Variants in SLIT3 observed in about 807,000 individuals in gnomAD.
SLIT3 encodes slit guidance ligand 3.
Under a neutral mutation model 184.0 loss-of-function variants are expected in SLIT3, and 68 were observed. The ratio of observed to expected loss-of-function variants is 0.37; its 90% CI spans 0.30 to 0.45. SLIT3 has a LOEUF of 0.45. Ranked by LOEUF, SLIT3 falls within the 20% of genes least tolerant of loss-of-function variation. The pLI is 1.00. For synonymous variants in SLIT3, 831 were observed against 828.6 expected, an observed-to-expected ratio of 1.00 and a Z score of -0.05; for missense variants, 1,707 against 2,026.0, an observed-to-expected ratio of 0.84 and a Z score of 3.02.
rs1296245987 is a variant in SLIT3 at position 168,666,373 on chromosome 5, T to TGA, written c.*79_*80dup. On this transcript the variant is annotated 3_prime_UTR_variant, in exon 36 of 36. Coordinates refer to ENST00000519560, the MANE Select transcript of SLIT3 (RefSeq NM_003062.4). ...CTCTCCAGCTTCATTTCCTTCATGC[T>TGA]GAATCACCAGGGGGTCCCACATGGC... The TGA allele has an allele frequency of 1.5e-6, 2 of 1,336,330 alleles. No homozygotes were observed. The highest frequency in any genetic ancestry group is 2.0e-6 in the Non-Finnish European group (2 of 1,011,546). The allele number at this position is 1,336,330 out of a possible 1,614,324, so 82.8% of individuals were successfully genotyped here.
chr5:168,915,402 C>T (rs904922544), intron 4 of SLIT3, among the ~76,000 whole-genome samples: 11 of 152,200 alleles, frequency 7.2e-5, no homozygotes, highest in African/African-American at 2.6e-4. Flanking sequence ...TGATCAATCT[C>T]GGCATGACAA....
rs567509831 is a variant in SLIT3, at chr5:169,277,144, G to A, written c.197+23369C>T. ...AATTTGCCTATTCTGGAAATATGCT[G>A]GACACTTCATGTAAGTGGAATCTGT... On this transcript the variant is annotated intron_variant, in intron 1 of 35. Transcript: ENST00000519560. Among the ~76,000 whole-genome samples the A allele has an allele frequency of 3.3e-5, 5 of 151,324 alleles. No individual in the cohort carries two copies. The East Asian group carries it at 5.8e-4, about 18-fold the overall frequency.
intron 4 of SLIT3, among the ~76,000 whole-genome samples, chr5:169,105,217 T>C (rs925028057): frequency 3.3e-5 from 5 of 152,188 alleles, no homozygotes; most frequent in Admixed American, 2.0e-4. Flanking sequence ...CTGTTTAATG[T>C]GGGTGGGGGA....
intron 4 of SLIT3, among the ~76,000 whole-genome samples, chr5:169,000,092 A>G (rs553674237): frequency 3.9e-5 from 6 of 152,138 alleles, no homozygotes; most frequent in Non-Finnish European, 8.8e-5. Flanking sequence ...TGCTCAACAA[A>G]TGCTGCGATC....
intron 5 of SLIT3, among the ~76,000 whole-genome samples, chr5:168,865,400 C>CA: frequency 6.6e-6 from 1 of 152,140 alleles, no homozygotes; most frequent in East Asian, 1.9e-4. Context: ...GAATACTACT[C>CA]AGTAGTAACA....
chr5:169,034,886 G>A (rs1757171252), intron 4 of SLIT3, among the ~76,000 whole-genome samples: 1 of 151,112 alleles, frequency 6.6e-6, no homozygotes, highest in South Asian at 2.1e-4. Context: ...AGCTGGGACT[G>A]CAGGTACAAG....
intron 17 of SLIT3, 32 bp from the exon 18 acceptor site, chr5:168,753,130 C>T (rs1754774445): frequency 1.2e-6 from 2 of 1,610,912 alleles, no homozygotes; most frequent in Non-Finnish European, 1.7e-6. Flanking sequence ...TGAGAGAGCA[C>T]AGGCATGATC....
intron 32 of SLIT3, among the ~76,000 whole-genome samples, chr5:168,675,719 C>G (rs1052096893): frequency 2.0e-5 from 3 of 152,110 alleles, no homozygotes; most frequent in African/African-American, 7.2e-5. Flanking sequence ...ACAACAACAA[C>G]AAAAGAGCGC....
intron 4 of SLIT3, among the ~76,000 whole-genome samples, chr5:168,983,101 T>C (rs746505575): frequency 2.2e-4 from 34 of 152,218 alleles, no homozygotes; most frequent in Non-Finnish European, 3.8e-4. Context: ...CCTGAAGACC[T>C]GGATGAATTG....
intron 8 of SLIT3, among the ~76,000 whole-genome samples, chr5:168,807,413 A>C (rs563584009): frequency 9.8e-5 from 15 of 152,352 alleles, no homozygotes; most frequent in African/African-American, 3.1e-4. Context: ...CAAATGTTTT[A>C]AGGACATTGT....
At chr5:168,764,527 G>A (rs1223316908) in intron 14 of SLIT3, among the ~76,000 whole-genome samples, 1 of 152,160 alleles carries the variant, frequency 6.6e-6, no homozygotes, top group African/African-American at 2.4e-5. Flanking sequence ...ATTGAATGGG[G>A]TATTTTTCCA....
intron 4 of SLIT3, among the ~76,000 whole-genome samples, chr5:169,079,833 G>GGAGGGAGGGAGGAGGAA (rs1758935735): frequency 9.1e-6 from 1 of 109,944 alleles, no homozygotes; most frequent in African/African-American, 4.0e-5. Context: ...GGGAGGAGGA[G>GGAGGGAGGGAGGAGGAA]GAGGGAGGGA....
chr5:169,098,662 C>T (rs1389114663), intron 4 of SLIT3, among the ~76,000 whole-genome samples: 1 of 152,146 alleles, frequency 6.6e-6, no homozygotes, highest in Non-Finnish European at 1.5e-5. Flanking sequence ...ATTGATGTGC[C>T]CACCTACAAA....
At chr5:168,810,429 T>C (rs940740630) in intron 8 of SLIT3, among the ~76,000 whole-genome samples, 2 of 152,176 alleles carry the variant, frequency 1.3e-5, no homozygotes, top group Non-Finnish European at 2.9e-5. Flanking sequence ...ACCCCTGTTA[T>C]AAGATGTTTT....
intron 3 of SLIT3, among the ~76,000 whole-genome samples, chr5:169,202,058 C>T (rs947831006): frequency 3.9e-5 from 6 of 151,966 alleles, no homozygotes; most frequent in African/African-American, 9.7e-5. Flanking sequence ...ATAGTGAAAC[C>T]TCATCTCTAC....
At chr5:168,841,835 TCTACTTCATG>T (rs1202317865) in intron 6 of SLIT3, among the ~76,000 whole-genome samples, 1 of 152,260 alleles carries the variant, frequency 6.6e-6, no homozygotes, top group Non-Finnish European at 1.5e-5. Context: ...TTGCTTGATT[TCTACTTCATG>T]CTGCCTAATG....
chr5:168,934,550 A>G (rs149346086), intron 4 of SLIT3, among the ~76,000 whole-genome samples: 2 of 152,298 alleles, frequency 1.3e-5, no homozygotes, highest in Admixed American at 6.5e-5. Context: ...TGATACCACA[A>G]GATGATGGGA....
intron 4 of SLIT3, among the ~76,000 whole-genome samples, chr5:169,185,297 C>T (rs775058527): frequency 2.3e-4 from 35 of 152,162 alleles, no homozygotes; most frequent in Non-Finnish European, 4.7e-4. Flanking sequence ...GGGACATTTT[C>T]CATGAGCTTT....
In SLIT3 at chr5:168,948,020, G is replaced by C. The variant is rs192294536; in HGVS notation, c.414-64684C>G. ...TTGGCCAGGCTGGTCTCAAACTCCTGACCTCAAGTGATCCGCCCACCTCAG... is the reference window on the plus strand; with the variant it reads ...TTGGCCAGGCTGGTCTCAAACTCCTCACCTCAAGTGATCCGCCCACCTCAG... On this transcript the variant is annotated intron_variant, in intron 4 of 35. Transcript: ENST00000519560. Among the ~76,000 whole-genome samples, 592 of 152,126 alleles carry C rather than the reference G, an allele frequency of 3.9e-3. 3 individuals carry two copies. Among genetic ancestry groups the C allele is most frequent in the Non-Finnish European group, 6.3e-3 (426 of 67,994 alleles).
Sources: allele counts gnomAD v4.1 joint callset (sites outside exome capture counted in the v4.1 genomes callset), GRCh38; gene constraint gnomAD v4.1.1; transcripts MANE v1.5; gene names NCBI Gene and HGNC (gene_info 2026-07-23, HGNC 2026-07-21).